The following SETBP1 variants were observed in gnomAD, a reference collection of about 807,000 sequenced individuals.
SETBP1 encodes SET-binding protein.
A neutral mutation model predicts 101.0 loss-of-function variants in SETBP1; 9 were observed. The observed-to-expected ratio is 0.09, with a 90% CI of 0.05 to 0.16. The LOEUF (loss-of-function observed/expected upper bound fraction) is 0.16, where lower values mean the gene tolerates loss of function less well. SETBP1 is among the 10% of genes least tolerant of loss of function. The probability of loss-of-function intolerance (pLI) is 1.00; values close to 1 mark genes in which losing one functional copy is unlikely to be tolerated. For missense variants in SETBP1, 1,858 were observed against 2,033.8 expected (o/e 0.91, Z 1.66); for synonymous variants, 818 against 788.5 (o/e 1.04, Z -0.63).
intron 3 of SETBP1, among the ~76,000 whole-genome samples, chr18:44,902,531 C>T (rs904815788): frequency 2.0e-5 from 3 of 151,980 alleles, no homozygotes; most frequent in Non-Finnish European, 2.9e-5. Flanking sequence ...CCAAATCATA[C>T]ACAGTAGATA....
intron 2 of SETBP1, among the ~76,000 whole-genome samples, chr18:44,746,140 A>G (rs1181024580): frequency 6.6e-6 from 1 of 152,190 alleles, no homozygotes; most frequent in East Asian, 1.9e-4. Flanking sequence ...GTAATAGTTC[A>G]AGCAAGAATA....
rs564583220 is a variant in SETBP1 at position 44,772,440 on chromosome 18, C to T, written c.486+70608C>T. 1.5e-4 allele frequency among the ~76,000 whole-genome samples: 23 copies of T among 152,260 alleles called. No individual in the cohort carries two copies. The South Asian group carries it at 3.1e-3, about 21-fold the overall frequency. Reference sequence around the variant, plus strand: ...CGCATCCCCTCCTTTGGAGTCCTGCCCTGGCCCAGCAGGGACTGGGAACCG... The same window carrying T: ...CGCATCCCCTCCTTTGGAGTCCTGCTCTGGCCCAGCAGGGACTGGGAACCG... On this transcript the variant is annotated intron_variant, in intron 2 of 5. Coordinates refer to ENST00000649279, the MANE Select transcript of SETBP1 (RefSeq NM_015559.3).
At chr18:44,706,374 T>C (rs191042807) in intron 2 of SETBP1, among the ~76,000 whole-genome samples, 49 of 151,696 alleles carry the variant, frequency 3.2e-4, no homozygotes, top group African/African-American at 1.2e-3. Flanking sequence ...TCACTTGAGA[T>C]CAGGAGTTCG....
intron 3 of SETBP1, among the ~76,000 whole-genome samples, chr18:44,877,882 G>T (rs2069445164): frequency 6.6e-6 from 1 of 152,080 alleles, no homozygotes. Flanking sequence ...GTTCTCCTGG[G>T]ATACTAAATC....
chr18:45,046,787 A>G (rs1387685052), intron 5 of SETBP1, among the ~76,000 whole-genome samples: 1 of 152,252 alleles, frequency 6.6e-6, no homozygotes, highest in Non-Finnish European at 1.5e-5. Context: ...CTCAATTCCC[A>G]AAACCTTGGG....
intron 3 of SETBP1, among the ~76,000 whole-genome samples, chr18:44,937,886 C>T (rs1392976895): frequency 1.3e-5 from 2 of 152,188 alleles, no homozygotes; most frequent in East Asian, 3.8e-4. Flanking sequence ...CTCTCTTTCT[C>T]CCCCGTCCCA....
intron 4 of SETBP1, among the ~76,000 whole-genome samples, chr18:44,991,727 A>G (rs2072382884): frequency 2.0e-5 from 3 of 152,216 alleles, no homozygotes; most frequent in African/African-American, 7.2e-5. Flanking sequence ...GTAATGGATC[A>G]AACAAACAAA....
At chr18:45,027,716 T>TA (rs2073196988) in intron 4 of SETBP1, among the ~76,000 whole-genome samples, 1 of 152,204 alleles carries the variant, frequency 6.6e-6, no homozygotes, top group African/African-American at 2.4e-5. Flanking sequence ...GAAGTGTTCT[T>TA]ACACGTGCGT....
At chr18:44,846,086 A>G (rs1054652943) in intron 2 of SETBP1, among the ~76,000 whole-genome samples, 1 of 152,192 alleles carries the variant, frequency 6.6e-6, no homozygotes, top group African/African-American at 2.4e-5. Context: ...CCTGTTGCCC[A>G]TGGCTCAATC....
At chr18:44,720,327 T>C (rs190825065) in intron 2 of SETBP1, among the ~76,000 whole-genome samples, 2 of 152,264 alleles carry the variant, frequency 1.3e-5, no homozygotes, top group Admixed American at 1.3e-4. Flanking sequence ...ACTAACTAAG[T>C]ATTCACATGA....
chr18:44,748,809 G>A (rs959450296), intron 2 of SETBP1, among the ~76,000 whole-genome samples: 2 of 152,164 alleles, frequency 1.3e-5, no homozygotes, highest in African/African-American at 4.8e-5. Context: ...TATTTATTGG[G>A]AAATGCAGGA....
Position 45,057,715 on chromosome 18 carries a change from A to G in SETBP1, c.4172-5364A>G, listed in dbSNP as rs1465555841. On this transcript the variant is annotated intron_variant, in intron 5 of 5. Coordinates refer to ENST00000649279, the MANE Select transcript of SETBP1 (RefSeq NM_015559.3). Reference sequence around the variant, plus strand: ...TCCCCTTAGGAACATTCAAACAGCAAGAAAAATTCTAAGGAATCTAGAAGT... The same window carrying G: ...TCCCCTTAGGAACATTCAAACAGCAGGAAAAATTCTAAGGAATCTAGAAGT... 3.3e-5 allele frequency among the ~76,000 whole-genome samples: 5 copies of G among 152,228 alleles called. No individual in the cohort carries two copies. In the East Asian group the frequency reaches 9.6e-4, roughly 29 times the overall value.
At chr18:44,690,488 A>G (rs904188385) in intron 1 of SETBP1, among the ~76,000 whole-genome samples, 1 of 152,226 alleles carries the variant, frequency 6.6e-6, no homozygotes, top group Non-Finnish European at 1.5e-5. Flanking sequence ...CTTTATTATT[A>G]TCTGTTAGAT....
intron 2 of SETBP1, among the ~76,000 whole-genome samples, chr18:44,733,774 CT>C (rs2069894809): frequency 6.6e-6 from 1 of 152,138 alleles, no homozygotes; most frequent in African/African-American, 2.4e-5. Context: ...GATTAATCAG[CT>C]TTTTTGGGGA....
At chr18:44,900,134 A>G (rs1187629323) in intron 3 of SETBP1, among the ~76,000 whole-genome samples, 1 of 152,220 alleles carries the variant, frequency 6.6e-6, no homozygotes, top group Non-Finnish European at 1.5e-5. Context: ...GCTGAGATGA[A>G]TAGATCAGTG....
chr18:44,689,915 A>G (rs1056869072), intron 1 of SETBP1, among the ~76,000 whole-genome samples: 6 of 152,206 alleles, frequency 3.9e-5, no homozygotes, highest in Admixed American at 6.5e-5. Flanking sequence ...GCATGCCCAC[A>G]GCTTTCCAAG....
chr18:44,809,831 T>C (rs531031696), intron 2 of SETBP1, among the ~76,000 whole-genome samples: 9 of 152,256 alleles, frequency 5.9e-5, no homozygotes, highest in South Asian at 2.1e-4. Context: ...AATAAGAGGT[T>C]AGGAAGATTA....
intron 3 of SETBP1, among the ~76,000 whole-genome samples, chr18:44,901,334 T>C (rs2070040164): frequency 6.6e-6 from 1 of 152,188 alleles, no homozygotes; most frequent in African/African-American, 2.4e-5. Context: ...CATTGAAAAG[T>C]TGAAAGAAAA....
At chr18:44,854,393 T>C (rs1411399465) in intron 2 of SETBP1, among the ~76,000 whole-genome samples, 1 of 152,172 alleles carries the variant, frequency 6.6e-6, no homozygotes. Context: ...TTCTACAAGG[T>C]GGGTCAATCC....
Sources: gnomAD v4.1 joint callset for allele counts (sites outside exome capture counted in the v4.1 genomes callset) on GRCh38, gnomAD v4.1.1 for gene constraint, MANE v1.5 for transcripts, NCBI Gene and HGNC (gene_info 2026-07-23, HGNC 2026-07-21) for gene names.